The following TBC1D9 variants were observed in gnomAD, a reference collection of about 807,000 sequenced individuals.
TBC1D9 encodes the protein TBC1 domain family member 9A.
Under a neutral mutation model 132.0 loss-of-function variants are expected in TBC1D9, and 63 were observed. The ratio of observed to expected loss-of-function variants is 0.48; its 90% CI spans 0.39 to 0.59. The LOEUF is 0.59. Among genes scored for constraint, TBC1D9 ranks in the 20% least tolerant of loss-of-function variants. The pLI is 0.00. For missense variants in TBC1D9, 1,261 were observed against 1,592.7 expected, an observed-to-expected ratio of 0.79 and a Z score of 3.54; for synonymous variants, 610 against 609.9, an observed-to-expected ratio of 1.00 and a Z score of 0.00.
chr4:140,643,170 GCCAGCAGGCTCT>G (rs1334369951), intron 13 of TBC1D9: 8 of 1,438,842 alleles, frequency 5.6e-6, no homozygotes, highest in African/African-American at 2.8e-5. Context: ...GCTGCCGGCT[GCCAGCAGGCTCT>G]CCAGTGAGGG....
chr4:140,717,086 A>G (rs1402009593), intron 1 of TBC1D9, among the ~76,000 whole-genome samples: 1 of 152,218 alleles, frequency 6.6e-6, no homozygotes, highest in African/African-American at 2.4e-5. Flanking sequence ...GCAAGAATTT[A>G]TTTTATGCCA....
chr4:140,677,100 C>T lies in TBC1D9; in HGVS notation c.853G>A (p.Asp285Asn). The change falls in exon 6 of 21, where the codon GAT becomes AAT. Residue 285 changes from aspartate (D) to asparagine (N), a missense_variant and splice_region_variant. Asp to Asn is a conservative substitution (Grantham distance 23). Transcript: ENST00000442267. ...SPKKVSALKR[D>N]LDARAKSERY... ...TCACTCTTTGCCCTGGCATCAAGAT[C>T]ACTGGAAAGCAATAATTACAATTCA... 1 of 1,613,518 alleles carries T rather than the reference C, an allele frequency of 6.2e-7. No homozygotes were observed.
intron 1 of TBC1D9, among the ~76,000 whole-genome samples, chr4:140,703,917 G>T (rs1738110186): frequency 6.6e-6 from 1 of 152,156 alleles, no homozygotes; most frequent in Non-Finnish European, 1.5e-5. Context: ...TTTCTTAAAT[G>T]ACTTTTCACT....
intron 1 of TBC1D9, among the ~76,000 whole-genome samples, chr4:140,748,795 A>G (rs970239373): frequency 1.3e-5 from 2 of 152,242 alleles, no homozygotes; most frequent in African/African-American, 4.8e-5. Context: ...TCGCTAAAGG[A>G]AAGAGTAAAT....
At chr4:140,696,977 T>C (rs987583636) in intron 2 of TBC1D9, among the ~76,000 whole-genome samples, 1 of 152,208 alleles carries the variant, frequency 6.6e-6, no homozygotes, top group Non-Finnish European at 1.5e-5. Flanking sequence ...AACAATAAGA[T>C]ACAGATATAT....
intron 1 of TBC1D9, among the ~76,000 whole-genome samples, chr4:140,752,011 T>C (rs1424931370): frequency 6.6e-6 from 1 of 152,192 alleles, no homozygotes; most frequent in Non-Finnish European, 1.5e-5. Context: ...TTTGGAAAAC[T>C]GGTATCATCT....
intron 1 of TBC1D9, among the ~76,000 whole-genome samples, chr4:140,715,529 G>A (rs1738321268): frequency 6.6e-6 from 1 of 152,172 alleles, no homozygotes; most frequent in South Asian, 2.1e-4. Context: ...GGCTCCATCT[G>A]GATAGGCTCT....
chr4:140,629,334 T>G (rs1464673575), intron 16 of TBC1D9, among the ~76,000 whole-genome samples: 3 of 152,248 alleles, frequency 2.0e-5, no homozygotes, highest in Non-Finnish European at 4.4e-5. Context: ...ATTTTATTTA[T>G]GTTCATATGT....
At chr4:140,642,198 G>T in intron 13 of TBC1D9, 1 of 750,348 alleles carries the variant, frequency 1.3e-6, no homozygotes, top group East Asian at 2.5e-5. Flanking sequence ...AGCCGGAGGG[G>T]CCTTGGGCGG....
At chr4:140,712,281 C>T (rs895674891) in intron 1 of TBC1D9, 10 of 150,534 alleles carry the variant, frequency 6.6e-5, no homozygotes, top group Admixed American at 2.0e-4. Flanking sequence ...ATGCTACAAA[C>T]TGGTACGTAT....
chr4:140,677,606 C>T (rs1737645890), intron 5 of TBC1D9, among the ~76,000 whole-genome samples: 1 of 152,170 alleles, frequency 6.6e-6, no homozygotes, highest in African/African-American at 2.4e-5. Flanking sequence ...TTAGCTGGGT[C>T]TTCTGTTAAC....
chr4:140,690,079 G>A (rs1737853991), intron 2 of TBC1D9, among the ~76,000 whole-genome samples: 1 of 151,770 alleles, frequency 6.6e-6, no homozygotes, highest in African/African-American at 2.4e-5. Context: ...ATTTCTATAT[G>A]TACATCCCCA....
chr4:140,716,370 A>G (rs1738334453), intron 1 of TBC1D9, among the ~76,000 whole-genome samples: 1 of 151,910 alleles, frequency 6.6e-6, no homozygotes, highest in South Asian at 2.1e-4. Context: ...GCTTGCCTAG[A>G]GTCCCAGCTA....
chr4:140,644,972 TC>T, intron 13 of TBC1D9: 2 of 458,578 alleles, frequency 4.4e-6, no homozygotes, highest in Non-Finnish European at 8.8e-6. Context: ...CCCAGGGGTG[TC>T]CGGCAAGCCA....
intron 1 of TBC1D9, among the ~76,000 whole-genome samples, chr4:140,747,017 A>AAAATAAATAAAT (rs375774605): frequency 6.6e-6 from 1 of 151,144 alleles, no homozygotes; most frequent in African/African-American, 2.4e-5. Flanking sequence ...ATAAAAATAA[A>AAAATAAATAAAT]AAATAAATAA....
Position 140,622,515 on chromosome 4 carries a change from A to T in TBC1D9, c.3481T>A (p.Ser1161Thr), listed in dbSNP as rs1243868629. The T allele has an allele frequency of 6.2e-7, 1 of 1,614,010 alleles. No individual in the cohort carries two copies. Among genetic ancestry groups the T allele is most frequent in the Non-Finnish European group, 8.5e-7 (1 of 1,179,894 alleles). Residue 1161 changes from serine (S) to threonine (T), a missense_variant, in exon 21 of 21, where the codon TCC (serine) becomes ACC (threonine). Around this residue, in one of 3 missense-constraint regions of TBC1D9, gnomAD observed 618 missense variants for 724.4 expected, o/e 0.85. Transcript: ENST00000442267. ...ISDDDTKDDS[S>T]MSSYSVLSAG... ...CTCAGCACCGAGTATGAGGACATGG[A>T]GCTGTCGTCCTTGGTGTCGTCGTCA...
At chr4:140,639,012 T>A (rs371640334) in intron 15 of TBC1D9, 74 bp downstream of exon 15, 2 of 1,106,290 alleles carry the variant, frequency 1.8e-6, no homozygotes, top group African/African-American at 1.6e-5. Flanking sequence ...AACAGAAAAA[T>A]CAAGAACTAA....
chr4:140,643,459 C>G lies in TBC1D9; in HGVS notation c.2338-4031G>C, dbSNP rs1022944613. The G allele has an allele frequency of 1.5e-5, 14 of 915,730 alleles. 1 individual carries two copies. The South Asian group carries it at 1.9e-4, about 13-fold the overall frequency. 56.7% of individuals were successfully genotyped at this position (915,730 alleles called of 1,614,324 possible). On this transcript the variant is annotated intron_variant, in intron 13 of 20. Coordinates refer to ENST00000442267, the MANE Select transcript of TBC1D9 (RefSeq NM_015130.3). The stretch of plus-strand genomic sequence containing the variant: ...AGGAACTGCTCAGAGCTTGCCTCTT[C>G]CAGGTAGCAGGTGCTGCCGGGCACA...
intron 6 of TBC1D9, 135 bp downstream of exon 6, chr4:140,676,757 GAA>G: frequency 1.7e-6 from 2 of 1,171,712 alleles, no homozygotes; most frequent in Non-Finnish European, 2.3e-6. Flanking sequence ...ACAAATGAAA[GAA>G]TGCAGGTGCC....
Sources: allele counts gnomAD v4.1 joint callset (sites outside exome capture counted in the v4.1 genomes callset), GRCh38; gene constraint gnomAD v4.1.1; regional missense constraint gnomAD v4.1.1; transcripts MANE v1.5; gene names NCBI Gene and HGNC (gene_info 2026-07-23, HGNC 2026-07-21).